TMEM132B: variants seen among roughly 807,000 people sequenced by gnomAD.
TMEM132B encodes transmembrane protein 132B.
A neutral mutation model predicts 90.8 loss-of-function variants in TMEM132B; 18 were observed. That is an observed-to-expected ratio of 0.20 (90% CI 0.14 to 0.29). TMEM132B has a LOEUF of 0.29. Among genes scored for constraint, TMEM132B ranks in the 10% least tolerant of loss-of-function variants. The pLI, the probability that TMEM132B is intolerant of heterozygous loss-of-function variation, is 1.00. For synonymous variants in TMEM132B, 504 were observed against 523.3 expected (o/e 0.96, Z 0.50); for missense variants, 1,096 against 1,326.8 (o/e 0.83, Z 2.70).
chr12:125,313,702 CT>C (rs1285958076), intron 1 of TMEM132B, among the ~76,000 whole-genome samples: 8 of 117,006 alleles, frequency 6.8e-5, no homozygotes, highest in Non-Finnish European at 1.3e-4. Flanking sequence ...CCCTCCCCCC[CT>C]CCCTCCATTG....
At chr12:125,527,696 C>A (rs114162280) in intron 4 of TMEM132B, among the ~76,000 whole-genome samples, 1 of 149,194 alleles carries the variant, frequency 6.7e-6, no homozygotes, top group African/African-American at 2.5e-5. Context: ...AACCACCCAG[C>A]CACCCTTCCA....
chr12:125,628,109 G>A (rs759389109), intron 5 of TMEM132B, among the ~76,000 whole-genome samples: 3 of 152,130 alleles, frequency 2.0e-5, no homozygotes, highest in Non-Finnish European at 4.4e-5. Context: ...TGCAACAAAC[G>A]TGGGAGTGCA....
Position 125,481,210 on chromosome 12 carries a change from C to T in TMEM132B, c.1107-38229C>T, listed in dbSNP as rs187333775. On this transcript the variant is annotated intron_variant, in intron 3 of 8. Coordinates refer to ENST00000682704, the MANE Select transcript of TMEM132B (RefSeq NM_001366854.1). ...GAAAACTGGCACAAGACAGGATGCC[C>T]TCTTTCACCACTCCTATTCAACACA... 1.1e-3 allele frequency among the ~76,000 whole-genome samples: 166 copies of T among 152,330 alleles called. 1 individual carries two copies. The highest frequency in any genetic ancestry group is 4.0e-3 in the African/African-American group (166 of 41,562).
intron 1 of TMEM132B, among the ~76,000 whole-genome samples, chr12:125,195,136 C>G (rs977272597): frequency 1.3e-5 from 2 of 152,128 alleles, no homozygotes; most frequent in Non-Finnish European, 2.9e-5. Context: ...TGCATCCTTC[C>G]TGCCTTCCTG....
chr12:125,298,148 G>C (rs552824350), intron 1 of TMEM132B, among the ~76,000 whole-genome samples: 1 of 152,164 alleles, frequency 6.6e-6, no homozygotes, highest in Non-Finnish European at 1.5e-5. Flanking sequence ...CCCAGCTACT[G>C]TGGAGGCTGA....
intron 1 of TMEM132B, among the ~76,000 whole-genome samples, chr12:125,308,905 C>T (rs879392351): frequency 6.6e-6 from 1 of 152,062 alleles, no homozygotes; most frequent in Non-Finnish European, 1.5e-5. Context: ...GAACCATGAA[C>T]AATATATTAT....
rs556285874 is a variant in TMEM132B, at chr12:125,331,193, C to G, written c.68-18259C>G. 9.5e-3 allele frequency among the ~76,000 whole-genome samples: 1,445 copies of G among 152,334 alleles called. 12 individuals carry two copies. The highest frequency in any genetic ancestry group is 0.014 in the Non-Finnish European group (971 of 68,034). On this transcript the variant is annotated intron_variant, in intron 1 of 8. Transcript: ENST00000682704. The stretch of plus-strand genomic sequence containing the variant: ...GGGGAGGGCCTGGTCCGGGTGGGCT[C>G]AGTCCGGGCTCCCGGGTCGGTCCCC...
chr12:125,574,664 G>C (rs184608222), intron 4 of TMEM132B, among the ~76,000 whole-genome samples: 2 of 152,106 alleles, frequency 1.3e-5, no homozygotes, highest in African/African-American at 4.8e-5. Context: ...CATGGACATA[G>C]AGTATGAGGC....
chr12:125,493,660 A>G (rs1338091525), intron 3 of TMEM132B, among the ~76,000 whole-genome samples: 1 of 152,096 alleles, frequency 6.6e-6, no homozygotes, highest in Admixed American at 6.5e-5. Context: ...GTGCACTGGC[A>G]TTGATGGGAG....
chr12:125,349,835 G>A lies in TMEM132B; in HGVS notation c.451G>A (p.Gly151Ser). 1.2e-6 allele frequency: 2 copies of A among 1,614,162 alleles called. No homozygotes were observed. Among genetic ancestry groups the A allele is most frequent in the South Asian group, 2.2e-5 (2 of 91,082 alleles). The change falls in exon 2 of 9, where the codon GGC (glycine) becomes AGC (serine). Residue 151 changes from glycine (G) to serine (S), a missense_variant. Coordinates refer to ENST00000682704, the MANE Select transcript of TMEM132B (RefSeq NM_001366854.1). This position sits in a 1 kb window ranked among gnomAD's most constrained non-coding sequence, Gnocchi z 4.1. ...VQTLFYVTGMGWDDSDLTEDL... is the reference protein window; with the variant it reads ...VQTLFYVTGMSWDDSDLTEDL... Reference sequence around the variant, plus strand: ...GACCTTGTTTTATGTCACTGGCATGGGCTGGGATGACAGTGACCTTACGGA... The same window carrying A: ...GACCTTGTTTTATGTCACTGGCATGAGCTGGGATGACAGTGACCTTACGGA...
At chr12:125,500,080 C>G (rs966098212) in intron 3 of TMEM132B, among the ~76,000 whole-genome samples, 2 of 152,148 alleles carry the variant, frequency 1.3e-5, no homozygotes, top group African/African-American at 4.8e-5. Context: ...CGGTGATCCC[C>G]CGGGACCCAG....
chr12:125,508,973 G>A (rs990843467), intron 3 of TMEM132B, among the ~76,000 whole-genome samples: 5 of 151,694 alleles, frequency 3.3e-5, no homozygotes, highest in Admixed American at 1.3e-4. Flanking sequence ...TGGTAGAGAC[G>A]GGGTTTCACC....
At chr12:125,362,518 G>A (rs2136253067) in intron 2 of TMEM132B, among the ~76,000 whole-genome samples, 1 of 152,310 alleles carries the variant, frequency 6.6e-6, no homozygotes, top group South Asian at 2.1e-4. Context: ...GTACAGTACA[G>A]TAGTGTTAAC....
At chr12:125,268,126 C>G (rs1441493990) in intron 1 of TMEM132B, among the ~76,000 whole-genome samples, 1 of 152,140 alleles carries the variant, frequency 6.6e-6, no homozygotes, top group Admixed American at 6.5e-5. Context: ...GCTGCTATGC[C>G]AAAGGGAGAT....
chr12:125,411,376 C>T (rs894143611), intron 2 of TMEM132B, among the ~76,000 whole-genome samples: 3 of 140,066 alleles, frequency 2.1e-5, no homozygotes, highest in Non-Finnish European at 4.7e-5. Flanking sequence ...GGGGGGGGGC[C>T]TAGGGGAGGG....
chr12:125,563,476 G>T (rs1292891426), intron 4 of TMEM132B, among the ~76,000 whole-genome samples: 1 of 152,026 alleles, frequency 6.6e-6, no homozygotes, highest in Non-Finnish European at 1.5e-5. Flanking sequence ...TGAGGCAGGA[G>T]AATTGCTTGA....
chr12:125,418,438 T>C (rs760883378), intron 3 of TMEM132B, among the ~76,000 whole-genome samples: 9 of 152,220 alleles, frequency 5.9e-5, no homozygotes, highest in Non-Finnish European at 1.0e-4. Context: ...GGATTGTCAC[T>C]TTGGCATGAC....
chr12:125,532,857 A>AG (rs1459409389), intron 4 of TMEM132B, among the ~76,000 whole-genome samples: 1 of 152,168 alleles, frequency 6.6e-6, no homozygotes, highest in Non-Finnish European at 1.5e-5. Flanking sequence ...TTTTAAAAAA[A>AG]CAAGTCACTG....
intron 1 of TMEM132B, among the ~76,000 whole-genome samples, chr12:125,316,517 G>A (rs1433524401): frequency 2.4e-5 from 2 of 83,414 alleles, no homozygotes; most frequent in African/African-American, 5.5e-5. Flanking sequence ...GAGAAAAGCT[G>A]CAGAAAGAGT....
Sources: allele counts gnomAD v4.1 joint callset (sites outside exome capture counted in the v4.1 genomes callset), GRCh38; gene constraint gnomAD v4.1.1; non-coding constraint Gnocchi (gnomAD v3.1); transcripts MANE v1.5; gene names NCBI Gene and HGNC (gene_info 2026-07-23, HGNC 2026-07-21).